Variants in ZNF717 observed in about 807,000 individuals in gnomAD.
The protein encoded by ZNF717 is zinc finger protein 717, also known as krueppel-like factor X17.
In ZNF717, 9 loss-of-function variants were observed where a neutral mutation model predicts 13.8. The ratio of observed to expected loss-of-function variants is 0.65; its 90% confidence interval spans 0.39 to 1.14. ZNF717 has a LOEUF of 1.14. ZNF717 is among the 50% of genes most tolerant of loss of function. ZNF717 has a pLI of 0.01. For missense variants in ZNF717, 1,040 were observed against 1,080.7 expected (o/e 0.96, Z 0.53); for synonymous variants, 327 against 364.1 (o/e 0.90, Z 1.16).
intron 1 of ZNF717, chr3:75,785,171 A>C (rs140688308): frequency 1.6e-4 from 25 of 152,406 alleles, no homozygotes; most frequent in African/African-American, 5.8e-4. Flanking sequence ...ACGTCTCCCG[A>C]GAACTGTGTG....
rs1210288210 is a variant in ZNF717, at chr3:75,739,052, T to C, written c.571A>G (p.Arg191Gly). 4 of 1,551,666 alleles carry C rather than the reference T, an allele frequency of 2.6e-6. No individual in the cohort carries two copies. Among genetic ancestry groups the C allele is most frequent in the Non-Finnish European group, 3.5e-6 (4 of 1,146,954 alleles). ...TGCTGAGTAAGATGTTCATGATGTCTGTGGGATCTCCTGGTTATATCACAG... is the reference window on the plus strand; with the variant it reads ...TGCTGAGTAAGATGTTCATGATGTCCGTGGGATCTCCTGGTTATATCACAG... ...HVCDITRRSH[R>G]HHEHLTQHHK... Residue 191 changes from arginine to glycine, a missense_variant, in exon 5 of 5, where the codon AGA becomes GGA. By Grantham distance (125) the Arg-to-Gly change is moderately radical. Around this residue, in one of 3 missense-constraint regions of ZNF717, gnomAD observed 873 missense variants for 832.8 expected, o/e 1.05. Transcript: ENST00000652011.
chr3:75,697,327 T>A (rs1937614570), intron 6 of ZNF717, among the ~76,000 whole-genome samples: 1 of 152,310 alleles, frequency 6.6e-6, no homozygotes, highest in African/African-American at 2.4e-5. Context: ...CCCTCCCAAA[T>A]CTCATATTTA....
chr3:75,713,905 G>A (rs1418168123), intron 5 of ZNF717, among the ~76,000 whole-genome samples: 2 of 152,134 alleles, frequency 1.3e-5, no homozygotes, highest in Admixed American at 1.3e-4. Flanking sequence ...GATAGGTAAG[G>A]TCACATGGGT....
At position 75,765,015 on chromosome 3, in the gene ZNF717, A is replaced by G. The variant is rs1422254252; in HGVS notation, c.57+18291T>C. 3.1e-3 allele frequency among the ~76,000 whole-genome samples: 88 copies of G among 28,528 alleles called. 2 individuals carry two copies. The highest frequency in any genetic ancestry group is 0.014 in the Middle Eastern group (1 of 70). The allele number at this position is 28,528 out of a possible 152,430, so 18.7% of individuals were successfully genotyped here. A position where few individuals can be genotyped will look rare whatever the true frequency, so the allele number is the denominator to read the frequency against. On this transcript the variant is annotated intron_variant, in intron 2 of 4. Coordinates refer to ENST00000652011, the MANE Select transcript of ZNF717 (RefSeq NM_001290208.3). ...GATATATATATATATATATATATAT[A>G]TATATATATATATATGTATATGTGT...
chr3:75,700,894 A>G (rs1233081082), intron 6 of ZNF717, among the ~76,000 whole-genome samples: 11 of 152,284 alleles, frequency 7.2e-5, no homozygotes, highest in Non-Finnish European at 1.5e-4. Context: ...AATTTCTTAA[A>G]TAATGCCCCA....
intron 4 of ZNF717, among the ~76,000 whole-genome samples, chr3:75,717,219 C>G (rs74450180): frequency 2.8e-5 from 4 of 142,700 alleles, no homozygotes; most frequent in African/African-American, 1.0e-4. Flanking sequence ...AGAAAAGGGA[C>G]AAAACTGAGG....
chr3:75,724,581 T>C (rs1349236833), intron 4 of ZNF717, among the ~76,000 whole-genome samples: 3 of 152,232 alleles, frequency 2.0e-5, no homozygotes, highest in Non-Finnish European at 4.4e-5. Context: ...TCAAACAGAA[T>C]ACTGAAAAGA....
chr3:75,782,582 T>C (rs1343824103), intron 2 of ZNF717, among the ~76,000 whole-genome samples: 1 of 150,520 alleles, frequency 6.6e-6, no homozygotes, highest in Non-Finnish European at 1.5e-5. Context: ...GTGTGAAATA[T>C]GTTCCACCAC....
At chr3:75,776,275 A>G (rs557443760) in intron 2 of ZNF717, among the ~76,000 whole-genome samples, 2 of 152,412 alleles carry the variant, frequency 1.3e-5, no homozygotes, top group East Asian at 1.9e-4. Flanking sequence ...CTAAATTGCT[A>G]AAATAGTTTA....
At chr3:75,754,995 T>C (rs1294811867) in intron 2 of ZNF717, among the ~76,000 whole-genome samples, 1 of 152,148 alleles carries the variant, frequency 6.6e-6, no homozygotes, top group Non-Finnish European at 1.5e-5. Flanking sequence ...AAGAACTGAA[T>C]TCAACATTGC....
intron 2 of ZNF717, among the ~76,000 whole-genome samples, chr3:75,764,814 C>CT (rs1553680366): frequency 9.6e-5 from 14 of 146,324 alleles, no homozygotes; most frequent in Admixed American, 2.0e-4. Flanking sequence ...ACTGGCTCCT[C>CT]AAAAAAAAAA....
intron 6 of ZNF717, among the ~76,000 whole-genome samples, chr3:75,695,013 C>T (rs1158056848): frequency 6.6e-6 from 1 of 152,102 alleles, no homozygotes; most frequent in Admixed American, 6.5e-5. Flanking sequence ...TGTAAATGAA[C>T]TAAATATTCC....
intron 2 of ZNF717, among the ~76,000 whole-genome samples, chr3:75,754,322 G>T (rs1424872798): frequency 3.9e-5 from 6 of 152,048 alleles, no homozygotes; most frequent in Non-Finnish European, 8.8e-5. Flanking sequence ...TGGAATTATG[G>T]GGAAAAAATT....
intron 2 of ZNF717, among the ~76,000 whole-genome samples, chr3:75,764,282 T>C (rs1160465125): frequency 6.6e-6 from 1 of 152,162 alleles, no homozygotes; most frequent in Non-Finnish European, 1.5e-5. Flanking sequence ...AAATCCTCCA[T>C]GGTCAGTTCC....
chr3:75,756,839 T>A (rs1490035978), intron 2 of ZNF717, among the ~76,000 whole-genome samples: 1 of 152,110 alleles, frequency 6.6e-6, no homozygotes, highest in East Asian at 1.9e-4. Flanking sequence ...CACGCCCGGC[T>A]AATGTTTTGT....
chr3:75,762,085 GAAAGAAAAGAAAA>G (rs1943077242), intron 2 of ZNF717, among the ~76,000 whole-genome samples: 4 of 145,936 alleles, frequency 2.7e-5, no homozygotes, highest in African/African-American at 2.6e-5. Flanking sequence ...GAAAGAGAGA[GAAAGAAAAGAAAA>G]AAAGAAAAGA....
downstream of ZNF717, chr3:75,732,155 T>A: frequency 1.4e-6 from 1 of 702,788 alleles, no homozygotes; most frequent in South Asian, 1.5e-5. Context: ...CATCTTAAAA[T>A]ATGCCAGAGC....
intron 1 of ZNF717, chr3:75,784,807 A>C (rs753260846): frequency 5.9e-5 from 9 of 152,224 alleles, no homozygotes; most frequent in Non-Finnish European, 1.2e-4. Flanking sequence ...TCCTCCTCTG[A>C]AGCACCAGTG....
At chr3:75,718,686 A>G (rs1038439328) in intron 4 of ZNF717, among the ~76,000 whole-genome samples, 2 of 152,194 alleles carry the variant, frequency 1.3e-5, no homozygotes, top group African/African-American at 2.4e-5. Context: ...TTAGATTCTC[A>G]TAAGTGCATG....
Sources: gnomAD v4.1 joint callset for allele counts (sites outside exome capture counted in the v4.1 genomes callset) on GRCh38, gnomAD v4.1.1 for gene constraint, gnomAD v4.1.1 regional missense constraint, MANE v1.5 for transcripts, NCBI Gene and HGNC (gene_info 2026-07-23, HGNC 2026-07-21) for gene names.